The following AGBL1 variants were observed in gnomAD, a reference collection of about 807,000 sequenced individuals.
The protein encoded by AGBL1 is AGBL carboxypeptidase 1.
Under a neutral mutation model 118.9 loss-of-function variants are expected in AGBL1, and 130 were observed. That is an observed-to-expected ratio of 1.09 (90% confidence interval 0.95 to 1.26). The LOEUF is 1.26. AGBL1 is among the 50% of genes most tolerant of loss of function. The pLI is 0.00. For missense variants in AGBL1, 1,584 were observed against 1,298.1 expected, an observed-to-expected ratio of 1.22 and a Z score of -3.38; for synonymous variants, 555 against 478.9, an observed-to-expected ratio of 1.16 and a Z score of -2.08.
chr15:86,567,712 A>T (rs2083936637), intron 21 of AGBL1, among the ~76,000 whole-genome samples: 1 of 152,072 alleles, frequency 6.6e-6, no homozygotes, highest in Admixed American at 6.5e-5. Context: ...ATCTGAGGAG[A>T]GATTGAGGAC....
At position 86,246,515 on chromosome 15, in the gene AGBL1, A is replaced by G. The variant is rs534609657; in HGVS notation, c.527-1156A>G. On this transcript the variant is annotated intron_variant, in intron 6 of 22. Coordinates refer to ENST00000614907, the MANE Select transcript of AGBL1 (RefSeq NM_001386094.1). Reference sequence around the variant, plus strand: ...AAAACGCACATGAAGAGCAGGTCCTATTCACATGACTCTGGTGTTGTCCAT... The same window carrying G: ...AAAACGCACATGAAGAGCAGGTCCTGTTCACATGACTCTGGTGTTGTCCAT... Among the ~76,000 whole-genome samples, 4 of 152,300 alleles carry G rather than the reference A, an allele frequency of 2.6e-5. No homozygotes were observed. The South Asian group carries it at 8.3e-4, about 32-fold the overall frequency.
intron 22 of AGBL1, among the ~76,000 whole-genome samples, chr15:86,682,026 G>A (rs1000136050): frequency 7.2e-5 from 11 of 152,256 alleles, no homozygotes; most frequent in African/African-American, 2.6e-4. Flanking sequence ...CCAAATTAAT[G>A]CTACGTGACT....
rs548964429 is a variant in AGBL1, at chr15:86,463,407, A to G, written c.2556-59403A>G. On this transcript the variant is annotated intron_variant, in intron 18 of 22. Transcript: ENST00000614907. ...TGTAGGTTGCCTGTTCACTCTGATG[A>G]TAGTTTCTTTTGCTGTGCAGAAGCT... Among the ~76,000 whole-genome samples, 11 of 151,710 alleles carry G rather than the reference A, an allele frequency of 7.3e-5. 1 individual carries two copies. The South Asian group carries it at 2.1e-3, about 29-fold the overall frequency.
intron 3 of AGBL1, among the ~76,000 whole-genome samples, chr15:86,153,345 G>A (rs1165680253): frequency 7.2e-5 from 11 of 152,204 alleles, no homozygotes. Context: ...AAAAGGATGA[G>A]TTTATTTCCT....
At chr15:87,007,673 G>T (rs2081518843) in intron 24 of AGBL1, among the ~76,000 whole-genome samples, 1 of 152,144 alleles carries the variant, frequency 6.6e-6, no homozygotes, top group African/African-American at 2.4e-5. Flanking sequence ...GCAACAAAAA[G>T]ATATAAAATG....
chr15:86,963,683 T>C (rs534537998), intron 23 of AGBL1, among the ~76,000 whole-genome samples: 10 of 152,090 alleles, frequency 6.6e-5, no homozygotes, highest in Non-Finnish European at 1.5e-5. Context: ...GTCTGTAGGT[T>C]AGAGGGTGGA....
intron 22 of AGBL1, among the ~76,000 whole-genome samples, chr15:86,716,812 G>C (rs1413736489): frequency 6.6e-6 from 1 of 152,218 alleles, no homozygotes; most frequent in South Asian, 2.1e-4. Context: ...CTCATAGGTA[G>C]ATTGGGAATC....
intron 16 of AGBL1, among the ~76,000 whole-genome samples, chr15:86,292,205 C>T (rs967764597): frequency 6.6e-5 from 10 of 151,800 alleles, no homozygotes; most frequent in Admixed American, 1.3e-4. Flanking sequence ...AGATTGGGTG[C>T]GGGGTAATCA....
intron 22 of AGBL1, among the ~76,000 whole-genome samples, chr15:86,842,504 T>A (rs1262000086): frequency 6.6e-6 from 1 of 152,208 alleles, no homozygotes; most frequent in Admixed American, 6.5e-5. Context: ...TTTCTTTGAA[T>A]TAGAAACTGG....
At chr15:86,235,535 T>C (rs1211221649) in intron 6 of AGBL1, among the ~76,000 whole-genome samples, 1 of 152,206 alleles carries the variant, frequency 6.6e-6, no homozygotes, top group Non-Finnish European at 1.5e-5. Flanking sequence ...GAGAAAAATA[T>C]AAACATTTCA....
At chr15:86,366,141 AAATTTATCT>A (rs2080884171) in intron 17 of AGBL1, among the ~76,000 whole-genome samples, 1 of 152,130 alleles carries the variant, frequency 6.6e-6, no homozygotes, top group East Asian at 1.9e-4. Context: ...TGTCACCAAG[AAATTTATCT>A]AGAAAAGGCT....
chr15:86,167,810 G>A (rs183068598), intron 5 of AGBL1, among the ~76,000 whole-genome samples: 1 of 152,346 alleles, frequency 6.6e-6, no homozygotes, highest in Non-Finnish European at 1.5e-5. Context: ...GGCAGAGATT[G>A]TAGGATGAGG....
chr15:86,474,515 G>C (rs2082525631), intron 18 of AGBL1, among the ~76,000 whole-genome samples: 1 of 152,226 alleles, frequency 6.6e-6, no homozygotes. Context: ...CAAGGCGGCA[G>C]CAAGCCTGAT....
chr15:86,409,438 A>T (rs2081579918), intron 18 of AGBL1, among the ~76,000 whole-genome samples: 1 of 152,158 alleles, frequency 6.6e-6, no homozygotes, highest in South Asian at 2.1e-4. Flanking sequence ...TGTGTTCCCA[A>T]GGGCTTCCTC....
At chr15:86,240,263 A>G (rs567920720) in intron 6 of AGBL1, among the ~76,000 whole-genome samples, 1 of 152,384 alleles carries the variant, frequency 6.6e-6, no homozygotes, top group Admixed American at 6.5e-5. Context: ...TAGTAAATAA[A>G]TATTCACGTT....
At chr15:86,625,365 G>GTTTTT in intron 21 of AGBL1, among the ~76,000 whole-genome samples, 1 of 123,072 alleles carries the variant, frequency 8.1e-6, no homozygotes, top group Middle Eastern at 4.9e-3. Context: ...AGAAATTAGC[G>GTTTTT]TTTTTTTTTT....
At chr15:86,680,563 T>C (rs2085934514) in intron 22 of AGBL1, among the ~76,000 whole-genome samples, 1 of 123,784 alleles carries the variant, frequency 8.1e-6, no homozygotes, top group Non-Finnish European at 1.7e-5. Flanking sequence ...TTTCTTTCTT[T>C]TCTTTTTTTT....
chr15:86,469,323 T>C (rs999057411), intron 18 of AGBL1, among the ~76,000 whole-genome samples: 7 of 152,200 alleles, frequency 4.6e-5, no homozygotes, highest in African/African-American at 1.7e-4. Context: ...CACATATAAG[T>C]GAGACCATGT....
chr15:86,805,401 A>C lies in AGBL1; in HGVS notation c.3159-101686A>C, dbSNP rs561862418. ...CTCTGCCCACTCTGCCCGCTGCCCA[A>C]CACTGCCACTTGGTGTGAGATGAGA... is the stretch of plus-strand genomic sequence containing the variant. On this transcript the variant is annotated intron_variant, in intron 22 of 22. Coordinates refer to ENST00000614907, the MANE Select transcript of AGBL1 (RefSeq NM_001386094.1). Among the ~76,000 whole-genome samples the C allele has an allele frequency of 7.2e-5, 11 of 152,162 alleles. No homozygotes were observed. In the South Asian group the frequency reaches 2.3e-3, roughly 32 times the overall value.
Sources: gnomAD v4.1 joint callset for allele counts (sites outside exome capture counted in the v4.1 genomes callset) on GRCh38, gnomAD v4.1.1 for gene constraint, MANE v1.5 for transcripts, NCBI Gene and HGNC (gene_info 2026-07-23, HGNC 2026-07-21) for gene names.